JPH1: variants seen among roughly 807,000 people sequenced by gnomAD.
JPH1 encodes the protein junctophilin-1.
Under a neutral mutation model 53.6 loss-of-function variants are expected in JPH1, and 12 were observed. The observed-to-expected ratio is 0.22, with a 90% CI of 0.14 to 0.36. The LOEUF is 0.36. JPH1 is among the 10% of genes least tolerant of loss of function. JPH1 has a pLI of 1.00. For synonymous variants in JPH1, 375 were observed against 363.8 expected (o/e 1.03, Z -0.35); for missense variants, 808 against 905.5 (o/e 0.89, Z 1.38).
At chr8:74,281,512 T>G (rs1430885404) in intron 2 of JPH1, among the ~76,000 whole-genome samples, 2 of 152,254 alleles carry the variant, frequency 1.3e-5, no homozygotes, top group East Asian at 1.9e-4. Context: ...TGAAATAGCC[T>G]CGTACTTTTT....
chr8:74,268,815 G>A (rs1000007194), intron 2 of JPH1, among the ~76,000 whole-genome samples: 1 of 152,086 alleles, frequency 6.6e-6, no homozygotes, highest in African/African-American at 2.4e-5. Context: ...TGTATAATGG[G>A]CAAAATACAT....
intron 1 of JPH1, among the ~76,000 whole-genome samples, chr8:74,316,417 A>G (rs1416462410): frequency 6.6e-6 from 1 of 152,254 alleles, no homozygotes; most frequent in East Asian, 1.9e-4. Flanking sequence ...TGTGAATCAC[A>G]CCACAGACTA....
chr8:74,304,462 G>A (rs1271311230), intron 2 of JPH1, among the ~76,000 whole-genome samples: 1 of 152,138 alleles, frequency 6.6e-6, no homozygotes, highest in African/African-American at 2.4e-5. Flanking sequence ...GTGAAATGAG[G>A]GGGCAGTAAG....
intron 2 of JPH1, among the ~76,000 whole-genome samples, chr8:74,271,992 C>CT (rs1223190039): frequency 6.6e-6 from 1 of 152,218 alleles, no homozygotes; most frequent in Non-Finnish European, 1.5e-5. Flanking sequence ...GGGCAGGCAA[C>CT]TGCACAGAAA....
chr8:74,301,929 T>A (rs1261458862), intron 2 of JPH1, among the ~76,000 whole-genome samples: 1 of 152,132 alleles, frequency 6.6e-6, no homozygotes, highest in Non-Finnish European at 1.5e-5. Flanking sequence ...GCAGGGTACA[T>A]GGGTTCAAAA....
In JPH1 at chr8:74,320,240, A is replaced by C. The variant is rs1300960961; in HGVS notation, c.379+669T>G. On this transcript the variant is annotated intron_variant, in intron 1 of 5. Transcript: ENST00000342232. The surrounding 1 kb of genome is among the most constrained non-coding windows in gnomAD (Gnocchi z 4.4). ...GCTACTCTTTTAAGACCAATACTTTAAGAAACGGAATGAAAACTAGGAACT... is the reference window on the plus strand; with the variant it reads ...GCTACTCTTTTAAGACCAATACTTTCAGAAACGGAATGAAAACTAGGAACT... Among the ~76,000 whole-genome samples, 3 of 152,178 alleles carry C rather than the reference A, an allele frequency of 2.0e-5. No individual in the cohort carries two copies. Among genetic ancestry groups the C allele is most frequent in the African/African-American group, 7.2e-5 (3 of 41,448 alleles).
chr8:74,263,913 G>A (rs79388891), intron 2 of JPH1, among the ~76,000 whole-genome samples: 2,658 of 152,246 alleles, frequency 0.017, 74 homozygotes, highest in African/African-American at 0.061. Context: ...GTTGCAGCCC[G>A]TAAGAAGAAA....
chr8:74,288,726 T>C (rs906251422), intron 2 of JPH1, among the ~76,000 whole-genome samples: 2 of 152,202 alleles, frequency 1.3e-5, no homozygotes, highest in Non-Finnish European at 2.9e-5. Flanking sequence ...AATACCAAGG[T>C]TGGTGCAAAA....
chr8:74,263,334 G>A (rs369050263), intron 2 of JPH1, among the ~76,000 whole-genome samples: 15 of 152,310 alleles, frequency 9.8e-5, no homozygotes, highest in African/African-American at 3.6e-4. Flanking sequence ...CATATTAAGT[G>A]TAAGTTAGTT....
At chr8:74,250,820 A>G (rs752690548) in intron 3 of JPH1, among the ~76,000 whole-genome samples, 2 of 152,190 alleles carry the variant, frequency 1.3e-5, no homozygotes, top group South Asian at 2.1e-4. Context: ...GCAGACTCAC[A>G]TTACCAAAGC....
chr8:74,282,743 T>C (rs763697830), intron 2 of JPH1, among the ~76,000 whole-genome samples: 6 of 152,188 alleles, frequency 3.9e-5, no homozygotes, highest in Non-Finnish European at 7.3e-5. Context: ...TAGTGTTCTA[T>C]AGCACTACAG....
At chr8:74,308,392 C>T (rs1220346914) in intron 2 of JPH1, among the ~76,000 whole-genome samples, 1 of 152,222 alleles carries the variant, frequency 6.6e-6, no homozygotes, top group African/African-American at 2.4e-5. Flanking sequence ...ACATTTTCTG[C>T]ACTCCTTGAC....
chr8:74,321,102 G>A lies in JPH1; in HGVS notation c.186C>T (p.Gly62=). 1 of 1,613,632 alleles carries A rather than the reference G, an allele frequency of 6.2e-7. No homozygotes were observed. ...YTWPSGNTYQ[G]YWAQGKRHGL... ...CGTGCCGCTTGCCCTGCGCCCAGTAGCCCTGGTAGGTGTTGCCGCTGGGCC... is the reference window on the plus strand; with the variant it reads ...CGTGCCGCTTGCCCTGCGCCCAGTAACCCTGGTAGGTGTTGCCGCTGGGCC... The change falls in exon 1 of 6, where the codon GGC becomes GGT. Residue 62 remains glycine, a synonymous_variant. Coordinates refer to ENST00000342232, the MANE Select transcript of JPH1 (RefSeq NM_020647.4). This position sits in a 1 kb window ranked among gnomAD's most constrained non-coding sequence, Gnocchi z 4.3.
At chr8:74,308,910 G>T (rs1405658390) in intron 2 of JPH1, among the ~76,000 whole-genome samples, 1 of 152,168 alleles carries the variant, frequency 6.6e-6, no homozygotes, top group Non-Finnish European at 1.5e-5. Flanking sequence ...GGGGAGATCT[G>T]CATGAAAATG....
chr8:74,248,994 T>C (rs1353624510), intron 3 of JPH1, among the ~76,000 whole-genome samples: 1 of 152,198 alleles, frequency 6.6e-6, no homozygotes, highest in Non-Finnish European at 1.5e-5. Flanking sequence ...GAGACTCATA[T>C]TGGGAAGAAG....
At chr8:74,279,445 C>CT (rs1468063728) in intron 2 of JPH1, among the ~76,000 whole-genome samples, 1 of 152,164 alleles carries the variant, frequency 6.6e-6, no homozygotes, top group African/African-American at 2.4e-5. Flanking sequence ...GGCTGCCAGA[C>CT]TTTATTCCCT....
intron 2 of JPH1, among the ~76,000 whole-genome samples, chr8:74,289,713 A>G (rs1807268655): frequency 6.6e-6 from 1 of 152,218 alleles, no homozygotes; most frequent in East Asian, 1.9e-4. Context: ...AAATGTTCTG[A>G]AATAGCTCTT....
intron 2 of JPH1, among the ~76,000 whole-genome samples, chr8:74,271,786 C>T (rs1806707946): frequency 6.6e-6 from 1 of 152,266 alleles, no homozygotes; most frequent in South Asian, 2.1e-4. Context: ...TGTGGGCTGA[C>T]CAGTAACCCT....
intron 3 of JPH1, among the ~76,000 whole-genome samples, chr8:74,246,629 C>T (rs577340010): frequency 6.6e-6 from 1 of 152,014 alleles, no homozygotes; most frequent in Non-Finnish European, 1.5e-5. Context: ...CTCCCATTAT[C>T]TTTTCAGAAA....
Sources: allele counts gnomAD v4.1 joint callset (sites outside exome capture counted in the v4.1 genomes callset), GRCh38; gene constraint gnomAD v4.1.1; non-coding constraint Gnocchi (gnomAD v3.1); transcripts MANE v1.5; gene names NCBI Gene and HGNC (gene_info 2026-07-23, HGNC 2026-07-21).